The following TMEM108 variants were observed in gnomAD, a reference collection of about 807,000 sequenced individuals.
The protein encoded by TMEM108 is transmembrane protein 108, also known as cancer/testis antigen 124.
A neutral mutation model predicts 35.1 loss-of-function variants in TMEM108; 12 were observed. That is an observed-to-expected ratio of 0.34 (90% CI 0.22 to 0.55). TMEM108 has a LOEUF of 0.55. Ranked by LOEUF, TMEM108 falls within the 20% of genes least tolerant of loss-of-function variation. The pLI is 0.89. For synonymous variants in TMEM108, 287 were observed against 308.6 expected (o/e 0.93, Z 0.73); for missense variants, 680 against 753.3 (o/e 0.90, Z 1.14).
intron 3 of TMEM108, among the ~76,000 whole-genome samples, chr3:133,260,965 G>C (rs1239440851): frequency 1.3e-5 from 2 of 152,188 alleles, no homozygotes; most frequent in Admixed American, 1.3e-4. Flanking sequence ...CAGAGTAAAA[G>C]ATGTCCTAAC....
chr3:133,150,712 ATATC>A (rs1049071965), intron 2 of TMEM108, among the ~76,000 whole-genome samples: 13 of 152,182 alleles, frequency 8.5e-5, no homozygotes, highest in Non-Finnish European at 1.5e-4. Flanking sequence ...TGGTTATAAA[ATATC>A]TATAGAAGTT....
At chr3:133,281,558 G>A (rs971617049) in intron 3 of TMEM108, among the ~76,000 whole-genome samples, 1 of 152,210 alleles carries the variant, frequency 6.6e-6, no homozygotes, top group Non-Finnish European at 1.5e-5. Flanking sequence ...TACGTCACGT[G>A]GCTAAAAAAG....
At chr3:133,146,849 C>CTCTCT (rs1456831839) in intron 2 of TMEM108, among the ~76,000 whole-genome samples, 1 of 151,960 alleles carries the variant, frequency 6.6e-6, no homozygotes, top group Admixed American at 6.6e-5. Flanking sequence ...TTTGATTCTT[C>CTCTCT]TCTCTTCTCT....
chr3:133,104,600 G>C (rs912565194), intron 2 of TMEM108, among the ~76,000 whole-genome samples: 5 of 152,062 alleles, frequency 3.3e-5, no homozygotes, highest in Non-Finnish European at 5.9e-5. Context: ...GGCTCCTATT[G>C]GTCTTTGGCC....
chr3:133,214,293 C>A (rs1311886205), intron 2 of TMEM108, among the ~76,000 whole-genome samples: 1 of 152,158 alleles, frequency 6.6e-6, no homozygotes, highest in African/African-American at 2.4e-5. Flanking sequence ...AAGACCTTGA[C>A]TTCTTGGTGT....
chr3:133,341,757 A>G (rs965474991), intron 3 of TMEM108, among the ~76,000 whole-genome samples: 3 of 151,936 alleles, frequency 2.0e-5, no homozygotes, highest in African/African-American at 7.2e-5. Context: ...ATTTTTGACA[A>G]AGGGGCCAGG....
At chr3:133,376,933 G>T (rs1291032409) in intron 3 of TMEM108, among the ~76,000 whole-genome samples, 1 of 152,126 alleles carries the variant, frequency 6.6e-6, no homozygotes, top group Non-Finnish European at 1.5e-5. Context: ...GAGGAGGATG[G>T]AAGTCTAAAT....
chr3:133,266,201 T>C (rs892538844), intron 3 of TMEM108, among the ~76,000 whole-genome samples: 2 of 151,790 alleles, frequency 1.3e-5, no homozygotes, highest in African/African-American at 4.9e-5. Flanking sequence ...AGGTTTTTTT[T>C]GTTGCTGTTG....
intron 2 of TMEM108, among the ~76,000 whole-genome samples, chr3:133,109,749 T>A (rs1944203418): frequency 2.0e-5 from 3 of 152,208 alleles, no homozygotes; most frequent in Admixed American, 2.0e-4. Context: ...AGTGAGTAAG[T>A]AAGCAAATCT....
chr3:133,165,646 A>C (rs927990643), intron 2 of TMEM108, among the ~76,000 whole-genome samples: 2 of 152,224 alleles, frequency 1.3e-5, no homozygotes, highest in African/African-American at 2.4e-5. Context: ...TTTCTTAAGA[A>C]TTATAGCTTG....
In TMEM108 at chr3:133,168,757, C is replaced by G. The variant is rs148314951; in HGVS notation, c.-46-60509C>G. 5.0e-3 allele frequency among the ~76,000 whole-genome samples: 762 copies of G among 152,304 alleles called. 8 individuals are homozygous for G. The highest frequency in any genetic ancestry group is 0.017 in the African/African-American group (725 of 41,568). ...ACTGTGGAAGCTTTGTTCTTTCGCT[C>G]TTTGCAATAAATATTGCTGCTGCTC... On this transcript the variant is annotated intron_variant, in intron 2 of 5. Transcript: ENST00000321871.
intron 2 of TMEM108, among the ~76,000 whole-genome samples, chr3:133,182,089 T>G (rs892501086): frequency 6.6e-6 from 1 of 152,156 alleles, no homozygotes; most frequent in Non-Finnish European, 1.5e-5. Flanking sequence ...GAAACATGGC[T>G]TGATCTGCCA....
chr3:133,336,382 C>T (rs1230473694), intron 3 of TMEM108, among the ~76,000 whole-genome samples: 3 of 152,078 alleles, frequency 2.0e-5, no homozygotes, highest in African/African-American at 7.2e-5. Flanking sequence ...TTTGTTTTGC[C>T]TCTTGGATAC....
At chr3:133,174,822 T>G (rs1478073298) in intron 2 of TMEM108, among the ~76,000 whole-genome samples, 3 of 152,094 alleles carry the variant, frequency 2.0e-5, no homozygotes, top group Admixed American at 6.5e-5. Flanking sequence ...CAAAGCTGGA[T>G]GGAGAATGAC....
intron 2 of TMEM108, among the ~76,000 whole-genome samples, chr3:133,188,805 C>G (rs76087818): frequency 0.017 from 2,616 of 152,200 alleles, 99 homozygotes; most frequent in African/African-American, 0.059. Context: ...GGGCCCAATG[C>G]AGGTTGACAG....
At chr3:133,157,933 A>C (rs1034515920) in intron 2 of TMEM108, among the ~76,000 whole-genome samples, 8 of 152,204 alleles carry the variant, frequency 5.3e-5, no homozygotes, top group African/African-American at 1.9e-4. Flanking sequence ...GCAGACTACA[A>C]CATGGCCTTT....
chr3:133,305,973 A>G (rs1173604002), intron 3 of TMEM108, among the ~76,000 whole-genome samples: 3 of 152,066 alleles, frequency 2.0e-5, no homozygotes, highest in Non-Finnish European at 4.4e-5. Context: ...AGTTCATTAT[A>G]TATATTCTAG....
chr3:133,380,358 T>C lies in TMEM108; in HGVS notation c.647T>C (p.Ile216Thr). The change falls in exon 4 of 6, where the codon ATC (isoleucine) becomes ACC (threonine). Residue 216 changes from isoleucine to threonine, a missense_variant. Ile to Thr is a moderately conservative substitution (Grantham distance 89). Transcript: ENST00000321871. The surrounding 1 kb of genome is among the most constrained non-coding windows in gnomAD (Gnocchi z 5.3). ...PLGQKRPLGK[I>T]FQIYKGNFTG... ...GGGCAGAAGCGGCCCCTGGGGAAAA[T>C]CTTTCAGATCTACAAGGGCAACTTC... 1 of 1,613,576 alleles carries C rather than the reference T, an allele frequency of 6.2e-7. No individual in the cohort carries two copies. The highest frequency in any genetic ancestry group is 1.3e-5 in the African/African-American group (1 of 74,788).
At chr3:133,302,587 A>C (rs1187442418) in intron 3 of TMEM108, among the ~76,000 whole-genome samples, 1 of 151,464 alleles carries the variant, frequency 6.6e-6, no homozygotes, top group Non-Finnish European at 1.5e-5. Context: ...ATGCCCAGCT[A>C]ATTTTTGTAT....
Sources: gnomAD v4.1 joint callset for allele counts (sites outside exome capture counted in the v4.1 genomes callset) on GRCh38, gnomAD v4.1.1 for gene constraint, Gnocchi (gnomAD v3.1) non-coding constraint, MANE v1.5 for transcripts, NCBI Gene and HGNC (gene_info 2026-07-23, HGNC 2026-07-21) for gene names.